Variants in MAML3 observed in about 807,000 individuals in gnomAD.
MAML3 encodes mastermind like transcriptional coactivator 3, also known as mastermind-like protein 3.
MAML3 carries 27 observed loss-of-function variants against 101.9 expected under a neutral mutation model. The ratio of observed to expected loss-of-function variants is 0.27; its 90% CI spans 0.20 to 0.37. The LOEUF (loss-of-function observed/expected upper bound fraction) is 0.37, where lower values mean the gene tolerates loss of function less well. Ranked by LOEUF, MAML3 falls within the 10% of genes least tolerant of loss-of-function variation. The pLI is 1.00. For synonymous variants in MAML3, 501 were observed against 555.9 expected (o/e 0.90, Z 1.39); for missense variants, 1,316 against 1,444.9 (o/e 0.91, Z 1.45).
chr4:139,781,532 G>T lies in MAML3; in HGVS notation c.2080-50865C>A, dbSNP rs561577747. On this transcript the variant is annotated intron_variant, in intron 2 of 4. Coordinates refer to ENST00000509479, the MANE Select transcript of MAML3 (RefSeq NM_018717.5). ...TCATATATATATATATATATATATA[G>T]TCTGTACAGCACACCCATTACGGCT... Among the ~76,000 whole-genome samples the T allele has an allele frequency of 2.7e-3, 328 of 121,612 alleles. 2 individuals carry two copies. Among genetic ancestry groups the T allele is most frequent in the African/African-American group, 9.7e-3 (316 of 32,736 alleles). 79.8% of individuals were successfully genotyped at this position (121,612 alleles called of 152,430 possible). A position where few individuals can be genotyped will look rare whatever the true frequency, so the allele number is the denominator to read the frequency against.
intron 2 of MAML3, among the ~76,000 whole-genome samples, chr4:139,828,747 A>C (rs1328861608): frequency 9.2e-6 from 1 of 108,140 alleles, no homozygotes; most frequent in South Asian, 2.8e-4. Flanking sequence ...ACATAGTTTT[A>C]TTGTAATGAA....
intron 2 of MAML3, among the ~76,000 whole-genome samples, chr4:139,887,526 A>G (rs1021033048): frequency 1.3e-5 from 2 of 152,252 alleles, no homozygotes; most frequent in Non-Finnish European, 2.9e-5. Context: ...TTAGGCAGGC[A>G]TAAGGACCTC....
At chr4:139,745,500 T>G (rs996850857) in intron 2 of MAML3, among the ~76,000 whole-genome samples, 8 of 152,126 alleles carry the variant, frequency 5.3e-5, no homozygotes, top group Admixed American at 5.2e-4. Flanking sequence ...CTGTGGGAAC[T>G]GAAAAAAGCC....
chr4:139,761,429 C>T (rs1201862046), intron 2 of MAML3, among the ~76,000 whole-genome samples: 1 of 152,152 alleles, frequency 6.6e-6, no homozygotes. Flanking sequence ...CAGTTGTTCC[C>T]CTTCTTCCTC....
intron 1 of MAML3, among the ~76,000 whole-genome samples, chr4:140,054,170 G>C (rs936917409): frequency 1.1e-4 from 16 of 152,202 alleles, no homozygotes; most frequent in Admixed American, 6.5e-4. Flanking sequence ...AGGAATTCGA[G>C]ACCAGCCTGG....
intron 4 of MAML3, among the ~76,000 whole-genome samples, chr4:139,723,431 C>G (rs1271721205): frequency 6.6e-6 from 1 of 152,204 alleles, no homozygotes; most frequent in African/African-American, 2.4e-5. Flanking sequence ...CTGCCCCAGC[C>G]TCCGGAGTAG....
chr4:140,024,031 C>T (rs1726780550), intron 1 of MAML3, among the ~76,000 whole-genome samples: 1 of 152,196 alleles, frequency 6.6e-6, no homozygotes, highest in Non-Finnish European at 1.5e-5. Context: ...AGCTAACACT[C>T]ATCTACATGC....
At chr4:139,867,073 A>G (rs2111172595) in intron 2 of MAML3, among the ~76,000 whole-genome samples, 1 of 152,360 alleles carries the variant, frequency 6.6e-6, no homozygotes, top group Admixed American at 6.5e-5. Context: ...GAAATGTGCT[A>G]AATAAAGTCA....
At chr4:139,887,414 G>C (rs1049615585) in intron 2 of MAML3, among the ~76,000 whole-genome samples, 2 of 152,178 alleles carry the variant, frequency 1.3e-5, no homozygotes. Flanking sequence ...AAGAGAGGAG[G>C]AGCACACAGA....
At chr4:140,121,852 C>T (rs1163531674) in intron 1 of MAML3, among the ~76,000 whole-genome samples, 1 of 152,200 alleles carries the variant, frequency 6.6e-6, no homozygotes, top group African/African-American at 2.4e-5. Flanking sequence ...ATGATCCCCA[C>T]GTGTCATGGG....
intron 1 of MAML3, among the ~76,000 whole-genome samples, chr4:140,110,618 C>A (rs185048788): frequency 6.6e-6 from 1 of 152,120 alleles, no homozygotes; most frequent in Non-Finnish European, 1.5e-5. Flanking sequence ...AAAGTACTTA[C>A]AGGAAAGAGT....
chr4:139,782,952 C>T (rs1293312352), intron 2 of MAML3, among the ~76,000 whole-genome samples: 2 of 152,080 alleles, frequency 1.3e-5, no homozygotes, highest in Non-Finnish European at 2.9e-5. Flanking sequence ...TCCTATGCTC[C>T]AAATTTGGCT....
intron 1 of MAML3, among the ~76,000 whole-genome samples, chr4:139,941,873 C>T (rs566668076): frequency 6.6e-6 from 1 of 152,272 alleles, no homozygotes; most frequent in Admixed American, 6.5e-5. Flanking sequence ...ATGGCTCACA[C>T]CTATAATCCC....
chr4:139,866,188 G>A (rs1731897660), intron 2 of MAML3, among the ~76,000 whole-genome samples: 1 of 152,210 alleles, frequency 6.6e-6, no homozygotes, highest in Admixed American at 6.5e-5. Context: ...AAGATCAGCT[G>A]ATAGGACATA....
intron 1 of MAML3, among the ~76,000 whole-genome samples, chr4:139,985,420 C>T (rs889737454): frequency 7.2e-5 from 11 of 152,120 alleles, no homozygotes; most frequent in Non-Finnish European, 1.5e-4. Flanking sequence ...CACATGTTGG[C>T]CAATAAGCAG....
At chr4:139,851,776 T>C (rs1731559465) in intron 2 of MAML3, among the ~76,000 whole-genome samples, 1 of 152,258 alleles carries the variant, frequency 6.6e-6, no homozygotes, top group Admixed American at 6.5e-5. Flanking sequence ...CATAGGTATA[T>C]GTGCTCATAT....
At chr4:139,768,397 C>A (rs1729909314) in intron 2 of MAML3, among the ~76,000 whole-genome samples, 1 of 152,116 alleles carries the variant, frequency 6.6e-6, no homozygotes, top group Admixed American at 6.6e-5. Context: ...GCTTAAATAT[C>A]AGGTTCTTGT....
intron 1 of MAML3, among the ~76,000 whole-genome samples, chr4:140,020,387 C>T (rs189186522): frequency 1.3e-5 from 2 of 150,672 alleles, no homozygotes; most frequent in African/African-American, 4.9e-5. Flanking sequence ...AATAATTGCA[C>T]CATGAAATCT....
chr4:140,153,563 A>G lies in MAML3; in HGVS notation c.-236T>C. The G allele has an allele frequency of 2.0e-6, 1 of 507,006 alleles. No individual in the cohort carries two copies. Among genetic ancestry groups the G allele is most frequent in the Non-Finnish European group, 3.4e-6 (1 of 290,670 alleles). 31.4% of individuals were successfully genotyped at this position (507,006 alleles called of 1,614,324 possible). ...AAGGGGAAGAAAAGGGGGGAACGTTATCGGAATACCATCAGACACCTATCA... is the reference window on the plus strand; with the variant it reads ...AAGGGGAAGAAAAGGGGGGAACGTTGTCGGAATACCATCAGACACCTATCA... On this transcript the variant is annotated 5_prime_UTR_variant, in exon 1 of 5. An upstream open reading frame in the 5' UTR loses its in-frame stop. Transcript: ENST00000509479.
Sources: allele counts gnomAD v4.1 joint callset (sites outside exome capture counted in the v4.1 genomes callset), GRCh38; gene constraint gnomAD v4.1.1; transcripts MANE v1.5; gene names NCBI Gene and HGNC (gene_info 2026-07-23, HGNC 2026-07-21).